Variants in TWSG1 observed in about 807,000 individuals in gnomAD.
TWSG1 encodes twisted gastrulation protein homolog 1.
In TWSG1, 15 loss-of-function variants were observed where a neutral mutation model predicts 23.0. That is an observed-to-expected ratio of 0.65 (90% CI 0.44 to 1.00). TWSG1 has a LOEUF of 1.00. TWSG1 is among the 50% of genes least tolerant of loss of function. TWSG1 has a pLI of 0.00. For missense variants in TWSG1, 242 were observed against 278.7 expected (o/e 0.87, Z 0.94); for synonymous variants, 86 against 92.8 (o/e 0.93, Z 0.42).
intron 3 of TWSG1, among the ~76,000 whole-genome samples, chr18:9,379,676 T>G (rs2040647637): frequency 6.6e-6 from 1 of 152,202 alleles, no homozygotes; most frequent in African/African-American, 2.4e-5. Flanking sequence ...AAAGTTAAAG[T>G]GTTTTTAAAA....
intron 2 of TWSG1, among the ~76,000 whole-genome samples, chr18:9,340,938 G>T (rs1033812629): frequency 6.6e-6 from 1 of 152,202 alleles, no homozygotes; most frequent in South Asian, 2.1e-4. Context: ...AAATCTGAAG[G>T]CTCACTGATA....
At chr18:9,380,280 A>G (rs1188210215) in intron 3 of TWSG1, among the ~76,000 whole-genome samples, 1 of 152,122 alleles carries the variant, frequency 6.6e-6, no homozygotes, top group Non-Finnish European at 1.5e-5. Context: ...TCTGTTCCAC[A>G]CATGAGGAAA....
intron 3 of TWSG1, among the ~76,000 whole-genome samples, chr18:9,368,633 T>G (rs537595082): frequency 2.6e-5 from 4 of 151,660 alleles, no homozygotes; most frequent in African/African-American, 9.7e-5. Context: ...GCCAACATAG[T>G]AAAACACCAT....
At chr18:9,352,044 T>TA (rs2040504600) in intron 2 of TWSG1, among the ~76,000 whole-genome samples, 1 of 152,208 alleles carries the variant, frequency 6.6e-6, no homozygotes, top group African/African-American at 2.4e-5. Flanking sequence ...TTCATCACCC[T>TA]AAAGCATTCC....
At chr18:9,355,158 A>G (rs1216771779) in intron 2 of TWSG1, among the ~76,000 whole-genome samples, 1 of 152,108 alleles carries the variant, frequency 6.6e-6, no homozygotes, top group Non-Finnish European at 1.5e-5. Context: ...GGGTTTCACC[A>G]TGTTAGCCGG....
At chr18:9,386,081 A>G (rs1181760188) in intron 3 of TWSG1, among the ~76,000 whole-genome samples, 1 of 151,938 alleles carries the variant, frequency 6.6e-6, no homozygotes, top group Non-Finnish European at 1.5e-5. Context: ...AGACAGGAGA[A>G]TCGCTTGATC....
chr18:9,353,949 G>A (rs1455490484), intron 2 of TWSG1, among the ~76,000 whole-genome samples: 1 of 152,150 alleles, frequency 6.6e-6, no homozygotes, highest in African/African-American at 2.4e-5. Context: ...TTAAACTTGG[G>A]CAATAGCATT....
At chr18:9,346,637 A>G (rs1381163357) in intron 2 of TWSG1, among the ~76,000 whole-genome samples, 3 of 152,152 alleles carry the variant, frequency 2.0e-5, no homozygotes, top group Admixed American at 2.0e-4. Flanking sequence ...GCTGGTGTGC[A>G]CCTGTAGTCC....
At chr18:9,382,223 C>T (rs772972771) in intron 3 of TWSG1, among the ~76,000 whole-genome samples, 34 of 150,222 alleles carry the variant, frequency 2.3e-4, no homozygotes, top group African/African-American at 6.8e-4. Flanking sequence ...GGAGGCTGGG[C>T]GAGGAGGCTG....
chr18:9,395,199 T>C (rs771776677), intron 3 of TWSG1, among the ~76,000 whole-genome samples: 3 of 152,234 alleles, frequency 2.0e-5, no homozygotes, highest in East Asian at 1.9e-4. Context: ...ACCAGACTTA[T>C]GTCACACATT....
At chr18:9,352,753 A>G (rs373042610) in intron 2 of TWSG1, among the ~76,000 whole-genome samples, 2 of 152,348 alleles carry the variant, frequency 1.3e-5, no homozygotes, top group South Asian at 2.1e-4. Flanking sequence ...GTCAATATTA[A>G]TAAGATTCTT....
At chr18:9,346,654 A>C (rs11875585) in intron 2 of TWSG1, among the ~76,000 whole-genome samples, 101,306 of 151,964 alleles carry the variant, frequency 0.67, 34,244 homozygotes, top group Middle Eastern at 0.75. Flanking sequence ...GTCCTAGCTA[A>C]CTGGGAGGCC....
chr18:9,335,561 A>G (rs935406339), intron 1 of TWSG1, among the ~76,000 whole-genome samples: 2 of 152,248 alleles, frequency 1.3e-5, no homozygotes, highest in African/African-American at 4.8e-5. Flanking sequence ...TCATGGTTGT[A>G]GGATGAAAAC....
chr18:9,378,817 CA>C (rs879853950), intron 3 of TWSG1, among the ~76,000 whole-genome samples: 372 of 138,176 alleles, frequency 2.7e-3, no homozygotes, highest in Admixed American at 2.7e-3. Context: ...CAAAAAATAC[CA>C]AAAAAAAAAA....
chr18:9,367,325 T>A (rs900088239), intron 3 of TWSG1, among the ~76,000 whole-genome samples: 2 of 152,294 alleles, frequency 1.3e-5, no homozygotes, highest in South Asian at 2.1e-4. Flanking sequence ...CTAACTGAAA[T>A]TTTGCATTAT....
At chr18:9,360,701 T>G (rs185463527) in intron 3 of TWSG1, among the ~76,000 whole-genome samples, 203 of 152,310 alleles carry the variant, frequency 1.3e-3, no homozygotes, top group African/African-American at 4.6e-3. Flanking sequence ...ATCACCTCCT[T>G]AAGAACAGGA....
In TWSG1 at chr18:9,361,864, C is replaced by A. The variant is rs532501806; in HGVS notation, c.223+1793C>A. Among the ~76,000 whole-genome samples, 10 of 152,306 alleles carry A rather than the reference C, an allele frequency of 6.6e-5. No individual in the cohort carries two copies. The South Asian group carries it at 1.0e-3, about 16-fold the overall frequency. ...CAGGGACCTGAAGGTATAACTACCC[C>A]ACAGAATAGGCTTGCCTCTGCCACT... On this transcript the variant is annotated intron_variant, in intron 3 of 4. Transcript: ENST00000262120.
At chr18:9,392,561 G>A (rs568192658) in intron 3 of TWSG1, among the ~76,000 whole-genome samples, 35 of 152,226 alleles carry the variant, frequency 2.3e-4, no homozygotes, top group African/African-American at 7.5e-4. Flanking sequence ...CACTTTCTTA[G>A]CATCCATGTG....
At chr18:9,387,224 T>C (rs796776712) in intron 3 of TWSG1, among the ~76,000 whole-genome samples, 69 of 152,292 alleles carry the variant, frequency 4.5e-4, no homozygotes, top group African/African-American at 1.6e-3. Context: ...GCTGAAACAT[T>C]TTTGTGTGCT....
Sources: allele counts gnomAD v4.1 joint callset (sites outside exome capture counted in the v4.1 genomes callset), GRCh38; gene constraint gnomAD v4.1.1; transcripts MANE v1.5; gene names NCBI Gene and HGNC (gene_info 2026-07-23, HGNC 2026-07-21).